DROSHA: variants seen among roughly 807,000 people sequenced by gnomAD.
The protein encoded by DROSHA is drosha ribonuclease III, also known as ribonuclease 3.
Under a neutral mutation model 181.9 loss-of-function variants are expected in DROSHA, and 56 were observed. The ratio of observed to expected loss-of-function variants is 0.31; its 90% CI spans 0.25 to 0.38. DROSHA has a LOEUF of 0.38. Ranked by LOEUF, DROSHA falls within the 10% of genes least tolerant of loss-of-function variation. The probability of loss-of-function intolerance (pLI) is 1.00; values close to 1 mark genes in which losing one functional copy is unlikely to be tolerated. For synonymous variants in DROSHA, 524 were observed against 591.2 expected (o/e 0.89, Z 1.65); for missense variants, 1,218 against 1,743.5 (o/e 0.70, Z 5.37).
chr5:31,422,706 C>T, intron 29 of DROSHA, 81 bp downstream of exon 29: 1 of 1,541,632 alleles, frequency 6.5e-7, no homozygotes, highest in Non-Finnish European at 8.8e-7. Flanking sequence ...ATCCCAATTC[C>T]TTCGAAGGGC....
At chr5:31,410,521 T>C (rs3815674) in intron 31 of DROSHA, among the ~76,000 whole-genome samples, 6,823 of 152,300 alleles carry the variant, frequency 0.045, 242 homozygotes, top group East Asian at 0.17. Flanking sequence ...GGGTATGTGT[T>C]GGGGGTACCA....
At chr5:31,501,005 C>G (rs79784228) in intron 11 of DROSHA, among the ~76,000 whole-genome samples, 1 of 152,182 alleles carries the variant, frequency 6.6e-6, no homozygotes, top group African/African-American at 2.4e-5. Flanking sequence ...CAGTTCCAGA[C>G]GTGATCATGT....
In DROSHA at chr5:31,405,711, C is replaced by A; in HGVS notation, c.3960G>T (p.Ala1320=). 1.3e-6 allele frequency: 2 copies of A among 1,556,538 alleles called. No homozygotes were observed. Among genetic ancestry groups the A allele is most frequent in the Non-Finnish European group, 1.7e-6 (2 of 1,152,964 alleles). The part of the protein sequence containing the change: ...GCGKGPSIQQ[A]EMGAAMDALE... ...GCGCATCCATTGCTGCTCCCATTTC[C>A]GCTTGCTGAATACTATTAAATAAAA... The change falls in exon 35 of 36, where the codon GCG becomes GCT. Residue 1320 remains alanine, a synonymous_variant. Transcript: ENST00000344624.
intron 16 of DROSHA, among the ~76,000 whole-genome samples, chr5:31,482,782 A>C (rs1278061628): frequency 6.6e-6 from 1 of 151,972 alleles, no homozygotes; most frequent in Non-Finnish European, 1.5e-5. Flanking sequence ...ATTTGCAAAC[A>C]AAAAGGCAAC....
intron 16 of DROSHA, among the ~76,000 whole-genome samples, chr5:31,482,011 G>C (rs189403511): frequency 6.6e-6 from 1 of 152,208 alleles, no homozygotes; most frequent in Admixed American, 6.5e-5. Context: ...GCCAGACTCC[G>C]ACAGGCTCAC....
intron 21 of DROSHA, among the ~76,000 whole-genome samples, chr5:31,449,656 G>C (rs1411151901): frequency 6.6e-6 from 1 of 152,122 alleles, no homozygotes; most frequent in Non-Finnish European, 1.5e-5. Flanking sequence ...GAGCCCAGGA[G>C]GTCGAGGCTG....
chr5:31,427,818 C>T (rs1743674181), intron 27 of DROSHA, among the ~76,000 whole-genome samples: 1 of 152,200 alleles, frequency 6.6e-6, no homozygotes, highest in African/African-American at 2.4e-5. Flanking sequence ...CATTGGTTCA[C>T]TAACATCTCT....
intron 10 of DROSHA, among the ~76,000 whole-genome samples, chr5:31,506,193 T>C (rs1354621510): frequency 1.3e-5 from 2 of 151,754 alleles, no homozygotes; most frequent in Non-Finnish European, 2.9e-5. Flanking sequence ...AAACCCCATC[T>C]CTACTAAAAA....
At chr5:31,423,112 A>T in intron 28 of DROSHA, 168 bp from the exon 29 acceptor site, 1 of 608,594 alleles carries the variant, frequency 1.6e-6, no homozygotes, top group Non-Finnish European at 2.7e-6. Flanking sequence ...ATGGCAAACA[A>T]ATCTAATATT....
At chr5:31,481,194 T>C (rs1244818192) in intron 16 of DROSHA, among the ~76,000 whole-genome samples, 1 of 152,198 alleles carries the variant, frequency 6.6e-6, no homozygotes, top group East Asian at 1.9e-4. Context: ...CCAAAATGCA[T>C]TTTATACATC....
In DROSHA at chr5:31,486,464, CA is replaced by C. The variant is rs1447726874; in HGVS notation, c.1914+26del. 5 of 1,607,506 alleles carry C rather than the reference CA, an allele frequency of 3.1e-6. No homozygotes were observed. In the South Asian group the frequency reaches 5.5e-5, roughly 18 times the overall value. On this transcript the variant is annotated intron_variant, in intron 14 of 35. Transcript: ENST00000344624. ...GAACAAGCAAAAGAGCAAACTACAT[CA>C]AACCACACACAATCTTTTCCCTTAC...
intron 18 of DROSHA, 109 bp downstream of exon 18, chr5:31,467,826 ATTTC>A: frequency 7.3e-7 from 1 of 1,374,650 alleles, no homozygotes; most frequent in South Asian, 1.5e-5. Flanking sequence ...AGTATGGCTC[ATTTC>A]AGGTCTTAAT....
At chr5:31,500,431 C>G (rs1288480886) in intron 11 of DROSHA, among the ~76,000 whole-genome samples, 1 of 152,162 alleles carries the variant, frequency 6.6e-6, no homozygotes, top group Non-Finnish European at 1.5e-5. Flanking sequence ...GAACTCCCTA[C>G]CAGCATGGCT....
intron 17 of DROSHA, among the ~76,000 whole-genome samples, chr5:31,469,383 A>C (rs1451542026): frequency 6.6e-6 from 1 of 152,018 alleles, no homozygotes; most frequent in East Asian, 1.9e-4. Flanking sequence ...CAAAAAAAAA[A>C]CCCCTCAAAC....
chr5:31,427,935 G>A (rs139317984), intron 27 of DROSHA, among the ~76,000 whole-genome samples: 1 of 152,308 alleles, frequency 6.6e-6, no homozygotes, highest in Non-Finnish European at 1.5e-5. Flanking sequence ...TACATTGTGA[G>A]CCTTATGCAG....
At chr5:31,456,171 G>A (rs1747632921) in intron 20 of DROSHA, among the ~76,000 whole-genome samples, 1 of 152,094 alleles carries the variant, frequency 6.6e-6, no homozygotes, top group Admixed American at 6.5e-5. Flanking sequence ...AAACAAAAAA[G>A]GGGAGGTGGG....
intron 34 of DROSHA, among the ~76,000 whole-genome samples, chr5:31,406,212 G>A (rs73073890): frequency 0.012 from 1,807 of 152,084 alleles, 43 homozygotes; most frequent in African/African-American, 0.042. Flanking sequence ...GTAGTAAATC[G>A]AATGTCTAAC....
intron 7 of DROSHA, 81 bp from the exon 8 acceptor site, chr5:31,515,300 A>AT: frequency 6.9e-7 from 1 of 1,445,452 alleles, no homozygotes; most frequent in South Asian, 1.3e-5. Flanking sequence ...TATTTGGTGC[A>AT]TTTTTCACCT....
In DROSHA at chr5:31,470,467, G is replaced by A. The variant is rs112491480; in HGVS notation, c.2241+1596C>T. ...AATAGTTGCGGTATGGCAGACCCCC[G>A]CAACTACTTTTGTGCCAGCCTAACA... On this transcript the variant is annotated intron_variant, in intron 17 of 35. Coordinates refer to ENST00000344624, the MANE Select transcript of DROSHA (RefSeq NM_001382508.1). The surrounding 1 kb of genome is among the most constrained non-coding windows in gnomAD (Gnocchi z 4.0). Among the ~76,000 whole-genome samples, 6 of 151,072 alleles carry A rather than the reference G, an allele frequency of 4.0e-5. No individual in the cohort carries two copies. The highest frequency in any genetic ancestry group is 7.4e-5 in the Non-Finnish European group (5 of 67,938).
Sources: allele counts gnomAD v4.1 joint callset (sites outside exome capture counted in the v4.1 genomes callset), GRCh38; gene constraint gnomAD v4.1.1; non-coding constraint Gnocchi (gnomAD v3.1); transcripts MANE v1.5; gene names NCBI Gene and HGNC (gene_info 2026-07-23, HGNC 2026-07-21).